The following RFX8 variants were observed in gnomAD, a reference collection of about 807,000 sequenced individuals.
The protein encoded by RFX8 is DNA-binding protein RFX8.
A neutral mutation model predicts 54.6 loss-of-function variants in RFX8; 46 were observed. The observed-to-expected ratio is 0.84, with a 90% confidence interval of 0.67 to 1.08. RFX8 has a LOEUF of 1.08. Ranked by LOEUF, RFX8 falls within the 50% of genes least tolerant of loss-of-function variation. The pLI, the probability that RFX8 is intolerant of heterozygous loss-of-function variation, is 0.00. For missense variants in RFX8, 536 were observed against 562.3 expected, an observed-to-expected ratio of 0.95 and a Z score of 0.47; for synonymous variants, 192 against 209.5, an observed-to-expected ratio of 0.92 and a Z score of 0.72.
chr2:101,441,721 A>C (rs1356904401), intron 2 of RFX8, among the ~76,000 whole-genome samples: 1 of 152,166 alleles, frequency 6.6e-6, no homozygotes, highest in African/African-American at 2.4e-5. Context: ...CACTCCTGCT[A>C]TCTGTGGATT....
At chr2:101,419,937 C>T (rs921519994) in intron 4 of RFX8, among the ~76,000 whole-genome samples, 7 of 152,180 alleles carry the variant, frequency 4.6e-5, no homozygotes, top group African/African-American at 1.2e-4. Flanking sequence ...ACCACAGACC[C>T]GTCTCTGCTC....
At chr2:101,457,981 T>C (rs1689075221) in intron 2 of RFX8, among the ~76,000 whole-genome samples, 1 of 152,194 alleles carries the variant, frequency 6.6e-6, no homozygotes, top group East Asian at 1.9e-4. Flanking sequence ...CTTTGTCTCT[T>C]TTGATCTTTG....
At chr2:101,460,053 G>A (rs1383457455) in intron 2 of RFX8, among the ~76,000 whole-genome samples, 1 of 152,256 alleles carries the variant, frequency 6.6e-6, no homozygotes, top group Admixed American at 6.5e-5. Flanking sequence ...ACTGAGCCAG[G>A]CACAGGAGGG....
chr2:101,425,189 G>A (rs151027820), intron 2 of RFX8, among the ~76,000 whole-genome samples: 43 of 152,246 alleles, frequency 2.8e-4, no homozygotes, highest in South Asian at 2.5e-3. Flanking sequence ...TCAGCTCTGG[G>A]CTAATGTCTC....
chr2:101,470,068 TTGTCACCCAGTAGTTGCCTCAGCCTTCAG>T lies in RFX8; in HGVS notation c.-52-3197_-52-3169del, dbSNP rs373605690. ...CAAGCAGAAGGTTTGAAAGTGGACT[TTGTCACCCAGTAGTTGCCTCAGCCTTCAG>T]TGTCACCCAGTAGTTGCCTCAGCCT... is the stretch of plus-strand genomic sequence containing the variant. On this transcript the variant is annotated intron_variant, in intron 1 of 11. Transcript: ENST00000428343. Among the ~76,000 whole-genome samples the T allele has an allele frequency of 2.7e-3, 412 of 152,150 alleles. 2 individuals carry two copies. Among genetic ancestry groups the T allele is most frequent in the African/African-American group, 9.3e-3 (386 of 41,516 alleles).
chr2:101,444,702 A>G (rs1688276699), intron 2 of RFX8, among the ~76,000 whole-genome samples: 1 of 152,254 alleles, frequency 6.6e-6, no homozygotes, highest in African/African-American at 2.4e-5. Flanking sequence ...AAATTATGCA[A>G]CTGAAAAATA....
chr2:101,443,958 G>C (rs757948170), intron 2 of RFX8, among the ~76,000 whole-genome samples: 6 of 152,138 alleles, frequency 3.9e-5, no homozygotes, highest in Non-Finnish European at 8.8e-5. Flanking sequence ...TGGCAGTCCG[G>C]ATCAGGATCA....
chr2:101,437,919 C>A (rs999165632), intron 2 of RFX8, among the ~76,000 whole-genome samples: 3 of 152,166 alleles, frequency 2.0e-5, no homozygotes, highest in African/African-American at 7.2e-5. Context: ...ATCCCTACGT[C>A]ATTTCAAAAT....
intron 11 of RFX8, among the ~76,000 whole-genome samples, chr2:101,399,950 CT>C (rs1465738952): frequency 6.6e-6 from 1 of 152,162 alleles, no homozygotes; most frequent in African/African-American, 2.4e-5. Flanking sequence ...TTGGAAGGAT[CT>C]GTGGAGGTGT....
intron 2 of RFX8, among the ~76,000 whole-genome samples, chr2:101,444,157 G>A (rs993266573): frequency 6.6e-6 from 1 of 152,162 alleles, no homozygotes; most frequent in Admixed American, 6.5e-5. Flanking sequence ...GGGGCATAAG[G>A]AGACCCAGGC....
At chr2:101,432,529 G>A (rs1295958134) in intron 2 of RFX8, among the ~76,000 whole-genome samples, 1 of 152,210 alleles carries the variant, frequency 6.6e-6, no homozygotes, top group Non-Finnish European at 1.5e-5. Flanking sequence ...CTACCCAAGA[G>A]CAGGTGCAGG....
At position 101,412,989 on chromosome 2, in the gene RFX8, A is replaced by T. The variant is rs1275205245; in HGVS notation, c.644T>A (p.Leu215Ter). The T allele has an allele frequency of 6.4e-7, 1 of 1,552,014 alleles. No individual in the cohort carries two copies. Among genetic ancestry groups the T allele is most frequent in the South Asian group, 1.2e-5 (1 of 84,062 alleles). Residue 215 changes from leucine (L) to a stop codon, truncating the protein, a stop_gained, in exon 8 of 12, where the codon TTG (leucine) becomes TAG (stop). Coordinates refer to ENST00000428343, the MANE Select transcript of RFX8 (RefSeq NM_001145664.2). LOFTEE classifies it high-confidence loss of function. ...TGCCAGGGCTTTCTTAGAAGTAGCC[A>T]AAGTGCCTTGATTGATGATGGCCTG... ...DLQAIINQGTLATSKKALASD... is the reference protein window; with the variant it reads ...DLQAIINQGT
At chr2:101,457,945 T>A (rs1014545667) in intron 2 of RFX8, among the ~76,000 whole-genome samples, 4 of 152,234 alleles carry the variant, frequency 2.6e-5, no homozygotes, top group Non-Finnish European at 4.4e-5. Context: ...GTTGAATTGA[T>A]CCCTTTACCA....
chr2:101,445,361 C>T (rs1351904574), intron 2 of RFX8, among the ~76,000 whole-genome samples: 1 of 152,058 alleles, frequency 6.6e-6, no homozygotes, highest in African/African-American at 2.4e-5. Flanking sequence ...CTCTCCATGA[C>T]TCCATTGTAT....
rs559764373 is a variant in RFX8, at chr2:101,452,415, G to A, written c.72+14362C>T. On this transcript the variant is annotated intron_variant, in intron 2 of 11. Transcript: ENST00000428343. Reference sequence around the variant, plus strand: ...ACTTCCTCTAGTGCCCAGCCTCCGGGTGCCAAGGTCCGGAAAAACCAATCT... The same window carrying A: ...ACTTCCTCTAGTGCCCAGCCTCCGGATGCCAAGGTCCGGAAAAACCAATCT... 18 of 1,377,780 alleles carry A rather than the reference G, an allele frequency of 1.3e-5. No homozygotes were observed. The South Asian group carries it at 2.3e-4, about 18-fold the overall frequency. The allele number at this position is 1,377,780 out of a possible 1,614,324, so 85.3% of individuals were successfully genotyped here.
At chr2:101,417,140 G>A (rs1328941829) in intron 6 of RFX8, among the ~76,000 whole-genome samples, 2 of 152,226 alleles carry the variant, frequency 1.3e-5, no homozygotes, top group Non-Finnish European at 2.9e-5. Context: ...TGGGGCAGCA[G>A]CTGAAAGCTA....
At chr2:101,460,186 C>A (rs1689189832) in intron 2 of RFX8, among the ~76,000 whole-genome samples, 1 of 137,432 alleles carries the variant, frequency 7.3e-6, no homozygotes, top group South Asian at 2.4e-4. Flanking sequence ...TATCCCCCGA[C>A]ATCTTGAGCT....
intron 8 of RFX8, among the ~76,000 whole-genome samples, chr2:101,412,210 T>C (rs1473125050): frequency 6.6e-6 from 1 of 152,174 alleles, no homozygotes; most frequent in Non-Finnish European, 1.5e-5. Flanking sequence ...GAGATGCCCA[T>C]AATTCATAAT....
chr2:101,437,594 AG>A (rs888031343), intron 2 of RFX8, among the ~76,000 whole-genome samples: 1 of 152,102 alleles, frequency 6.6e-6, no homozygotes, highest in African/African-American at 2.4e-5. Flanking sequence ...AAAGAAAAAA[AG>A]GAAAAAAAAG....
Sources: allele counts gnomAD v4.1 joint callset (sites outside exome capture counted in the v4.1 genomes callset), GRCh38; gene constraint gnomAD v4.1.1; transcripts MANE v1.5; gene names NCBI Gene and HGNC (gene_info 2026-07-23, HGNC 2026-07-21).